Variants in IQCM observed in about 807,000 individuals in gnomAD.
IQCM encodes IQ motif containing M, also known as IQ domain-containing protein M.
IQCM carries 45 observed loss-of-function variants against 57.6 expected under a neutral mutation model. The ratio of observed to expected loss-of-function variants is 0.78; its 90% CI spans 0.62 to 1.00. IQCM has a LOEUF of 1.00. IQCM is among the 50% of genes least tolerant of loss of function. IQCM has a pLI of 0.00. For synonymous variants in IQCM, 148 were observed against 158.9 expected, an observed-to-expected ratio of 0.93 and a Z score of 0.51; for missense variants, 468 against 511.6, an observed-to-expected ratio of 0.91 and a Z score of 0.82.
At chr4:149,519,991 C>A (rs562603086) in intron 12 of IQCM, among the ~76,000 whole-genome samples, 6 of 151,960 alleles carry the variant, frequency 3.9e-5, no homozygotes, top group Non-Finnish European at 7.4e-5. Flanking sequence ...GGAGACACAG[C>A]GAGACTCTGT....
intron 8 of IQCM, among the ~76,000 whole-genome samples, chr4:149,614,516 G>A (rs1326870388): frequency 1.3e-5 from 2 of 152,028 alleles, no homozygotes; most frequent in African/African-American, 4.8e-5. Flanking sequence ...TGTCCTTTCT[G>A]GGGCTGGAAC....
intron 13 of IQCM, among the ~76,000 whole-genome samples, chr4:149,371,695 C>T (rs960757036): frequency 2.6e-5 from 4 of 152,176 alleles, no homozygotes; most frequent in Non-Finnish European, 4.4e-5. Flanking sequence ...CCCTGATTCT[C>T]CAAGATTCAT....
At chr4:149,573,967 T>A (rs112890233) in intron 9 of IQCM, among the ~76,000 whole-genome samples, 19 of 152,004 alleles carry the variant, frequency 1.2e-4, no homozygotes, top group African/African-American at 4.6e-4. Flanking sequence ...TCCTCAATAG[T>A]TAGGATGACT....
At chr4:149,556,060 T>C (rs1368692524) in intron 10 of IQCM, among the ~76,000 whole-genome samples, 1 of 152,234 alleles carries the variant, frequency 6.6e-6, no homozygotes, top group African/African-American at 2.4e-5. Flanking sequence ...ATTGTGCTAG[T>C]ACATTTCAGC....
At chr4:149,780,524 A>C (rs1771503461) in intron 2 of IQCM, among the ~76,000 whole-genome samples, 1 of 144,672 alleles carries the variant, frequency 6.9e-6, no homozygotes, top group Admixed American at 7.1e-5. Context: ...ACTTTAAAAT[A>C]TGTAAGTTAT....
intron 12 of IQCM, among the ~76,000 whole-genome samples, chr4:149,438,296 T>A (rs937474911): frequency 5.3e-5 from 8 of 152,218 alleles, no homozygotes; most frequent in Middle Eastern, 6.8e-3. Context: ...TCATTGTGAA[T>A]GTTATGCATT....
chr4:149,588,649 G>C (rs1752859953), intron 8 of IQCM, among the ~76,000 whole-genome samples: 1 of 151,818 alleles, frequency 6.6e-6, no homozygotes, highest in South Asian at 2.1e-4. Context: ...AAGGCCACGT[G>C]AGGACACAAT....
At chr4:149,803,998 G>A (rs1244960041) in intron 2 of IQCM, among the ~76,000 whole-genome samples, 1 of 151,590 alleles carries the variant, frequency 6.6e-6, no homozygotes, top group African/African-American at 2.4e-5. Context: ...CTCCCCTTAG[G>A]TGATACAAGA....
chr4:149,544,093 C>T (rs140151124), intron 12 of IQCM, among the ~76,000 whole-genome samples: 11 of 152,164 alleles, frequency 7.2e-5, no homozygotes, highest in Non-Finnish European at 1.0e-4. Flanking sequence ...AGTATGTGAG[C>T]CCTTTCTTTA....
intron 5 of IQCM, among the ~76,000 whole-genome samples, chr4:149,686,692 A>T (rs781097692): frequency 9.2e-5 from 14 of 151,654 alleles, no homozygotes; most frequent in Non-Finnish European, 2.1e-4. Flanking sequence ...ATTATAGTGC[A>T]AATGAACTAC....
At chr4:149,557,240 A>G (rs1286285130) in intron 10 of IQCM, among the ~76,000 whole-genome samples, 1 of 152,106 alleles carries the variant, frequency 6.6e-6, no homozygotes, top group Non-Finnish European at 1.5e-5. Context: ...ATCTGAGAAA[A>G]GACTTCACAA....
In IQCM at chr4:149,542,374, T is replaced by C. The variant is rs369482973; in HGVS notation, c.1228+6081A>G. Among the ~76,000 whole-genome samples, 129 of 152,248 alleles carry C rather than the reference T, an allele frequency of 8.5e-4. 2 individuals are homozygous for C. The highest frequency in any genetic ancestry group is 1.6e-3 in the Non-Finnish European group (106 of 67,956). On this transcript the variant is annotated intron_variant, in intron 12 of 13. Transcript: ENST00000636793. ...CTGGGAAACATGAACAGGCAGCTCT[T>C]GCTATCAAGAATGTTTTAATCATCC...
chr4:149,750,089 C>A (rs1768287905), intron 2 of IQCM, among the ~76,000 whole-genome samples: 1 of 152,148 alleles, frequency 6.6e-6, no homozygotes, highest in Non-Finnish European at 1.5e-5. Context: ...GTATGTATAA[C>A]CTCTCATGAA....
chr4:149,623,123 C>G (rs1467926952), intron 7 of IQCM, among the ~76,000 whole-genome samples: 1 of 152,016 alleles, frequency 6.6e-6, no homozygotes, highest in Non-Finnish European at 1.5e-5. Flanking sequence ...ATAAAAACAT[C>G]ACTCTGTACT....
At chr4:149,368,867 CATATATACACGTGTATATATATGTAT>C (rs1730088167) in intron 13 of IQCM, among the ~76,000 whole-genome samples, 6 of 49,138 alleles carry the variant, frequency 1.2e-4, no homozygotes, top group Admixed American at 2.0e-4. Context: ...TATATATATA[CATATATACACGTGTATATATATGTAT>C]ATATATACAC....
At chr4:149,737,702 G>A (rs997616729) in intron 3 of IQCM, 4 of 152,110 alleles carry the variant, frequency 2.6e-5, no homozygotes, top group African/African-American at 9.7e-5. Context: ...ACACGGAAAG[G>A]GCAAGAGTTC....
At chr4:149,362,813 A>T (rs1441836800) in intron 13 of IQCM, among the ~76,000 whole-genome samples, 1 of 152,252 alleles carries the variant, frequency 6.6e-6, no homozygotes. Flanking sequence ...CATCCAGAAC[A>T]CTGGCAGAAG....
At chr4:149,745,897 G>C (rs548771556) in intron 2 of IQCM, among the ~76,000 whole-genome samples, 10 of 152,160 alleles carry the variant, frequency 6.6e-5, no homozygotes, top group South Asian at 2.1e-4. Flanking sequence ...AGTTGAGCCT[G>C]GGAGGTCAAG....
intron 5 of IQCM, among the ~76,000 whole-genome samples, chr4:149,700,842 G>T (rs2149812528): frequency 6.6e-6 from 1 of 152,116 alleles, no homozygotes; most frequent in East Asian, 1.9e-4. Context: ...GAGCACTCAA[G>T]AAATAGAGAA....
Sources: gnomAD v4.1 joint callset for allele counts (sites outside exome capture counted in the v4.1 genomes callset) on GRCh38, gnomAD v4.1.1 for gene constraint, MANE v1.5 for transcripts, NCBI Gene and HGNC (gene_info 2026-07-23, HGNC 2026-07-21) for gene names.